The following SLIT3 variants were observed in gnomAD, a reference collection of about 807,000 sequenced individuals.
SLIT3 encodes slit homolog 3 protein.
SLIT3 carries 68 observed loss-of-function variants against 184.0 expected under a neutral mutation model. The ratio of observed to expected loss-of-function variants is 0.37; its 90% CI spans 0.30 to 0.45. SLIT3 has a LOEUF of 0.45. Among genes scored for constraint, SLIT3 ranks in the 20% least tolerant of loss-of-function variants. SLIT3 has a pLI of 1.00. For synonymous variants in SLIT3, 831 were observed against 828.6 expected (o/e 1.00, Z -0.05); for missense variants, 1,707 against 2,026.0 (o/e 0.84, Z 3.02).
intron 4 of SLIT3, among the ~76,000 whole-genome samples, chr5:168,985,891 C>T (rs1755111788): frequency 6.6e-6 from 1 of 151,988 alleles, no homozygotes; most frequent in Admixed American, 6.6e-5. Context: ...TGTATTTGAA[C>T]CCCTGGTTAA....
At chr5:168,884,425 T>TCA (rs768704242) in intron 4 of SLIT3, among the ~76,000 whole-genome samples, 5,093 of 141,516 alleles carry the variant, frequency 0.036, 213 homozygotes, top group East Asian at 0.1. Context: ...TCTCTCTCTC[T>TCA]CTCACACACA....
At chr5:169,280,915 C>T (rs1162148007) in intron 1 of SLIT3, among the ~76,000 whole-genome samples, 2 of 152,080 alleles carry the variant, frequency 1.3e-5, no homozygotes, top group African/African-American at 4.8e-5. Context: ...ACCACAAATA[C>T]AATAGCCAAG....
intron 4 of SLIT3, among the ~76,000 whole-genome samples, chr5:168,988,946 C>G (rs1056051068): frequency 5.9e-5 from 9 of 152,234 alleles, no homozygotes; most frequent in African/African-American, 2.2e-4. Flanking sequence ...GTGAAAGTTT[C>G]TGGATGTACT....
chr5:169,242,880 A>T (rs1581094840), intron 3 of SLIT3, among the ~76,000 whole-genome samples: 1 of 152,102 alleles, frequency 6.6e-6, no homozygotes, highest in African/African-American at 2.4e-5. Flanking sequence ...AAAATATTTC[A>T]TCGATATTCC....
At chr5:169,151,867 G>T (rs1449892792) in intron 4 of SLIT3, among the ~76,000 whole-genome samples, 5 of 152,152 alleles carry the variant, frequency 3.3e-5, no homozygotes, top group African/African-American at 1.2e-4. Flanking sequence ...TTCAAATCCT[G>T]CCCCTGCCTC....
intron 4 of SLIT3, among the ~76,000 whole-genome samples, chr5:168,927,865 G>A (rs1054474202): frequency 6.6e-6 from 1 of 152,188 alleles, no homozygotes; most frequent in African/African-American, 2.4e-5. Context: ...ATGATGAATT[G>A]GATAACTGAG....
At chr5:168,720,445 AACATCACT>A (rs901246042) in intron 23 of SLIT3, 6 of 152,212 alleles carry the variant, frequency 3.9e-5, no homozygotes, top group African/African-American at 1.4e-4. Flanking sequence ...AGTTGCCCCA[AACATCACT>A]ACTCTAATTA....
At chr5:169,286,487 C>T (rs573235840) in intron 1 of SLIT3, among the ~76,000 whole-genome samples, 38 of 152,230 alleles carry the variant, frequency 2.5e-4, no homozygotes, top group African/African-American at 8.9e-4. Flanking sequence ...AATCCCAGCC[C>T]CCAGAAGTGA....
intron 12 of SLIT3, among the ~76,000 whole-genome samples, chr5:168,782,643 C>A (rs1213472960): frequency 6.6e-6 from 1 of 152,176 alleles, no homozygotes; most frequent in Non-Finnish European, 1.5e-5. Flanking sequence ...GCTCCCACCC[C>A]TGGAGTTGGG....
At chr5:168,944,796 C>T (rs1762422701) in intron 4 of SLIT3, among the ~76,000 whole-genome samples, 1 of 152,166 alleles carries the variant, frequency 6.6e-6, no homozygotes, top group South Asian at 2.1e-4. Context: ...TTGCCATCCC[C>T]TAAGCTACTT....
At chr5:168,778,042 G>A (rs184801187) in intron 12 of SLIT3, among the ~76,000 whole-genome samples, 9 of 152,272 alleles carry the variant, frequency 5.9e-5, no homozygotes, top group Admixed American at 3.3e-4. Flanking sequence ...CTCTTTCACC[G>A]GAGGGATGGA....
intron 4 of SLIT3, among the ~76,000 whole-genome samples, chr5:168,898,968 G>GGC (rs1346444640): frequency 2.0e-5 from 3 of 149,642 alleles, no homozygotes; most frequent in Non-Finnish European, 4.5e-5. Context: ...TATGTGAGAA[G>GGC]GCTATTACCA....
intron 3 of SLIT3, among the ~76,000 whole-genome samples, chr5:169,209,392 G>A (rs1183464849): frequency 2.0e-5 from 3 of 152,198 alleles, no homozygotes; most frequent in African/African-American, 7.2e-5. Context: ...AGACAATGTG[G>A]CGATTCCTCA....
intron 4 of SLIT3, among the ~76,000 whole-genome samples, chr5:169,058,089 G>C (rs113027085): frequency 2.4e-4 from 36 of 152,224 alleles, no homozygotes; most frequent in African/African-American, 8.4e-4. Flanking sequence ...CAAATGAGAC[G>C]AGCGCTATTG....
intron 4 of SLIT3, among the ~76,000 whole-genome samples, chr5:169,141,847 C>T (rs1004348939): frequency 4.6e-5 from 7 of 151,296 alleles, no homozygotes; most frequent in South Asian, 2.1e-4. Flanking sequence ...GTCAGGAGAT[C>T]GAGACCATCC....
At chr5:169,166,200 G>A (rs17637230) in intron 4 of SLIT3, among the ~76,000 whole-genome samples, 14,412 of 151,942 alleles carry the variant, frequency 0.095, 848 homozygotes, top group South Asian at 0.15. Context: ...TTTTTTAGCC[G>A]TCTTTGCCAT....
chr5:169,259,439 G>A (rs1454894465), intron 1 of SLIT3, among the ~76,000 whole-genome samples: 1 of 152,204 alleles, frequency 6.6e-6, no homozygotes, highest in East Asian at 1.9e-4. Context: ...GGATGCAATG[G>A]TGTAGCTTGG....
At chr5:169,134,110 T>C (rs976676918) in intron 4 of SLIT3, among the ~76,000 whole-genome samples, 9 of 152,234 alleles carry the variant, frequency 5.9e-5, no homozygotes, top group African/African-American at 2.2e-4. Context: ...CTAGAGACTA[T>C]AGATAAAAAG....
chr5:168,910,729 G>C (rs1402816060), intron 4 of SLIT3, among the ~76,000 whole-genome samples: 1 of 145,548 alleles, frequency 6.9e-6, no homozygotes, highest in Admixed American at 7.0e-5. Context: ...CTGGGCGACA[G>C]AGTGAGACTC....
Sources: gnomAD v4.1 joint callset for allele counts (sites outside exome capture counted in the v4.1 genomes callset) on GRCh38, gnomAD v4.1.1 for gene constraint, MANE v1.5 for transcripts, NCBI Gene and HGNC (gene_info 2026-07-23, HGNC 2026-07-21) for gene names.